NXNL2: variants seen among roughly 807,000 people sequenced by gnomAD.
The protein encoded by NXNL2 is nucleoredoxin-like protein 2.
NXNL2 carries 7 observed loss-of-function variants against 11.1 expected under a neutral mutation model. The observed-to-expected ratio is 0.63, with a 90% CI of 0.36 to 1.18. The LOEUF (loss-of-function observed/expected upper bound fraction) is 1.18. NXNL2 is among the 50% of genes most tolerant of loss of function. NXNL2 has a pLI of 0.02. For missense variants in NXNL2, 233 were observed against 217.7 expected, an observed-to-expected ratio of 1.07 and a Z score of -0.44; for synonymous variants, 109 against 101.8, an observed-to-expected ratio of 1.07 and a Z score of -0.42.
chr9:88,555,852 G>A (rs1450930500), intron 1 of NXNL2, among the ~76,000 whole-genome samples: 1 of 152,172 alleles, frequency 6.6e-6, no homozygotes, highest in Non-Finnish European at 1.5e-5. Flanking sequence ...AGCGGCAAAA[G>A]GTGTGTGAGC....
chr9:88,577,416 G>C (rs1422848664), downstream of NXNL2, among the ~76,000 whole-genome samples: 1 of 152,092 alleles, frequency 6.6e-6, no homozygotes, highest in African/African-American at 2.4e-5. Flanking sequence ...CATGTCTACG[G>C]TCCTAAGAGA....
downstream of NXNL2, among the ~76,000 whole-genome samples, chr9:88,548,801 T>C (rs1717268398): frequency 6.6e-6 from 1 of 151,720 alleles, no homozygotes; most frequent in African/African-American, 2.4e-5. Flanking sequence ...TGTGTTGAAG[T>C]CCTAACCCCT....
chr9:88,561,435 A>G (rs1830084305), intron 1 of NXNL2, among the ~76,000 whole-genome samples: 3 of 151,104 alleles, frequency 2.0e-5, no homozygotes, highest in Non-Finnish European at 4.4e-5. Flanking sequence ...CTATCAATCT[A>G]TCGATCAATC....
intron 1 of NXNL2, among the ~76,000 whole-genome samples, chr9:88,569,784 G>GCATT (rs1039306402): frequency 6.6e-6 from 1 of 152,044 alleles, no homozygotes; most frequent in Admixed American, 6.5e-5. Flanking sequence ...AATTTTCCTT[G>GCATT]CATTCCTGTG....
intron 1 of NXNL2, chr9:88,538,284 A>C (rs1032908505): frequency 6.6e-6 from 1 of 152,252 alleles, no homozygotes; most frequent in Non-Finnish European, 1.5e-5. Flanking sequence ...CTGATTCCTC[A>C]AAGCCCAGCC....
chr9:88,569,708 A>G (rs572245816), intron 1 of NXNL2, among the ~76,000 whole-genome samples: 2 of 152,334 alleles, frequency 1.3e-5, no homozygotes, highest in South Asian at 4.1e-4. Flanking sequence ...GTATGCAGAC[A>G]ATTATGTGGT....
chr9:88,544,273 G>A, intron 1 of NXNL2, 106 bp from the exon 2 acceptor site: 1 of 953,166 alleles, frequency 1.0e-6, no homozygotes, highest in Non-Finnish European at 1.6e-6. Context: ...GGGGCACCTG[G>A]TGGCTTCCTC....
chr9:88,541,370 C>T (rs1829757422), intron 1 of NXNL2, among the ~76,000 whole-genome samples: 1 of 152,140 alleles, frequency 6.6e-6, no homozygotes, highest in Non-Finnish European at 1.5e-5. Flanking sequence ...AAGCAATCCT[C>T]CTGCCTCAGC....
chr9:88,553,501 A>G (rs1049199073), intron 1 of NXNL2, among the ~76,000 whole-genome samples: 2 of 152,164 alleles, frequency 1.3e-5, no homozygotes, highest in African/African-American at 4.8e-5. Flanking sequence ...TCCTTGCTAC[A>G]TAGCGTGTTG....
chr9:88,541,893 T>A (rs890950785), intron 1 of NXNL2, among the ~76,000 whole-genome samples: 1 of 152,198 alleles, frequency 6.6e-6, no homozygotes, highest in African/African-American at 2.4e-5. Flanking sequence ...GCGTTACTAT[T>A]TCCCATATAA....
rs138383279 is a variant in NXNL2 at position 88,553,357 on chromosome 9, AAACAACAAC to A, written c.302+17636_302+17644del. Among the ~76,000 whole-genome samples, 1,102 of 152,030 alleles carry A rather than the reference AAACAACAAC, an allele frequency of 7.2e-3. 9 individuals carry two copies. Among genetic ancestry groups the A allele is most frequent in the African/African-American group, 0.026 (1,058 of 41,448 alleles). On this transcript the variant is annotated intron_variant, in intron 1 of 2. Transcript: ENST00000375855. ...GTGAAATTCTGTCTCAAAAAAGCCC[AAACAACAAC>A]AACAACAACAACAAAAAACCCATGC... is the stretch of plus-strand genomic sequence containing the variant.
rs60872685 is a variant in NXNL2, at chr9:88,571,071, C to CTTT, written c.303-6_303-4dup. On this transcript the variant is annotated splice_polypyrimidine_tract_variant and intron_variant, in intron 1 of 2. Coordinates refer to the NXNL2 transcript ENST00000375855. ...CAATACTGTTTTGATGCTTTCTTTTCTTTTTTTTTTTTCAGACGGAGTCTC... is the reference window on the plus strand; with the variant it reads ...CAATACTGTTTTGATGCTTTCTTTTCTTTTTTTTTTTTTTTCAGACGGAGTCTC... 108 of 353,738 alleles carry CTTT rather than the reference C, an allele frequency of 3.1e-4. No individual in the cohort carries two copies. In the East Asian group the frequency reaches 3.1e-3, roughly 10 times the overall value. The allele number at this position is 353,738 out of a possible 1,614,324, so 21.9% of individuals were successfully genotyped here.
intron 1 of NXNL2, among the ~76,000 whole-genome samples, chr9:88,568,954 C>T (rs116375629): frequency 0.019 from 2,938 of 151,756 alleles, 98 homozygotes; most frequent in African/African-American, 0.067. Flanking sequence ...TCTTGGACAA[C>T]GCCTCACTCT....
intron 1 of NXNL2, chr9:88,570,987 C>G: frequency 2.9e-6 from 1 of 343,234 alleles, no homozygotes; most frequent in Non-Finnish European, 5.6e-6. Flanking sequence ...AGGTGATCCA[C>G]CCGAGTTGGC....
chr9:88,558,998 T>G (rs1490633762), intron 1 of NXNL2, among the ~76,000 whole-genome samples: 1 of 152,076 alleles, frequency 6.6e-6, no homozygotes, highest in Non-Finnish European at 1.5e-5. Flanking sequence ...CAACCTCCCT[T>G]AAGCTCTCCA....
In NXNL2 at chr9:88,535,363, G is replaced by T. The variant is rs1829581027; in HGVS notation, c.-72G>T. 1.4e-6 allele frequency: 2 copies of T among 1,411,614 alleles called. No individual in the cohort carries two copies. The highest frequency in any genetic ancestry group is 1.9e-6 in the Non-Finnish European group (2 of 1,072,448). The allele number at this position is 1,411,614 out of a possible 1,614,324, so 87.4% of individuals were successfully genotyped here. ...ACAGAGGCGGGGCACCGCGGCGCTC[G>T]CCGCCGCCTCCCCGCAGGTGATCAT... On this transcript the variant is annotated 5_prime_UTR_variant, in exon 1 of 2. Transcript: ENST00000375854.
chr9:88,544,084 T>C (rs1248856009), intron 1 of NXNL2, among the ~76,000 whole-genome samples: 2 of 152,062 alleles, frequency 1.3e-5, no homozygotes, highest in African/African-American at 4.8e-5. Context: ...GGCAGGAGAA[T>C]CGCTTGAACG....
At chr9:88,540,319 G>C (rs528992557) in intron 1 of NXNL2, among the ~76,000 whole-genome samples, 2 of 149,566 alleles carry the variant, frequency 1.3e-5, no homozygotes, top group South Asian at 4.2e-4. Context: ...GCGAAAGAGC[G>C]AGACTCCATC....
At chr9:88,568,633 A>G (rs1417724347) in intron 1 of NXNL2, among the ~76,000 whole-genome samples, 1 of 152,162 alleles carries the variant, frequency 6.6e-6, no homozygotes, top group Non-Finnish European at 1.5e-5. Flanking sequence ...CTATCAAGCT[A>G]TTTGATTTTC....
Sources: gnomAD v4.1 joint callset for allele counts (sites outside exome capture counted in the v4.1 genomes callset) on GRCh38, gnomAD v4.1.1 for gene constraint, MANE v1.5 for transcripts, NCBI Gene and HGNC (gene_info 2026-07-23, HGNC 2026-07-21) for gene names.